The following SIK2 variants were observed in gnomAD, a reference collection of about 807,000 sequenced individuals.
SIK2 encodes salt inducible kinase 2.
SIK2 carries 29 observed loss-of-function variants against 103.2 expected under a neutral mutation model. The ratio of observed to expected loss-of-function variants is 0.28; its 90% CI spans 0.21 to 0.38. The LOEUF (loss-of-function observed/expected upper bound fraction) is 0.38. SIK2 is among the 10% of genes least tolerant of loss of function. The pLI is 1.00. For missense variants in SIK2, 879 were observed against 1,171.0 expected (o/e 0.75, Z 3.64); for synonymous variants, 412 against 446.1 (o/e 0.92, Z 0.96).
intron 3 of SIK2, among the ~76,000 whole-genome samples, chr11:111,672,810 C>T (rs17113167): frequency 1.1e-3 from 161 of 152,266 alleles, no homozygotes; most frequent in African/African-American, 3.7e-3. Flanking sequence ...GAGCAAAGGA[C>T]GCAGAGTAAG....
intron 9 of SIK2, among the ~76,000 whole-genome samples, chr11:111,713,029 G>T (rs1943544747): frequency 6.6e-6 from 1 of 152,108 alleles, no homozygotes; most frequent in East Asian, 1.9e-4. Context: ...GCCAGGCGTG[G>T]TGGTACACAC....
chr11:111,605,660 C>T (rs1245473571), intron 1 of SIK2, among the ~76,000 whole-genome samples: 1 of 152,130 alleles, frequency 6.6e-6, no homozygotes, highest in Non-Finnish European at 1.5e-5. Flanking sequence ...ATGTAATGAG[C>T]AATTAGGACC....
intron 4 of SIK2, among the ~76,000 whole-genome samples, chr11:111,697,536 C>A (rs1025822454): frequency 6.6e-6 from 1 of 152,176 alleles, no homozygotes; most frequent in African/African-American, 2.4e-5. Flanking sequence ...TCAACTACTT[C>A]ATGAAATGTA....
intron 14 of SIK2, 21 bp from the exon 15 acceptor site, chr11:111,723,470 TCTTTC>T (rs778252570): frequency 3.9e-6 from 6 of 1,556,674 alleles, no homozygotes; most frequent in South Asian, 1.2e-5. Flanking sequence ...GATTTAAAAT[TCTTTC>T]CTTTGATATT....
chr11:111,689,854 A>G (rs748143575), intron 4 of SIK2, among the ~76,000 whole-genome samples: 2 of 152,018 alleles, frequency 1.3e-5, no homozygotes, highest in South Asian at 2.1e-4. Context: ...TCAATATTAC[A>G]TATGTTACAG....
At chr11:111,606,842 G>C (rs1185782117) in intron 1 of SIK2, among the ~76,000 whole-genome samples, 4 of 151,902 alleles carry the variant, frequency 2.6e-5, no homozygotes, top group Non-Finnish European at 2.9e-5. Context: ...GGCCAGGCTA[G>C]ATGGCTGACA....
At chr11:111,609,839 C>G (rs998642184) in intron 1 of SIK2, among the ~76,000 whole-genome samples, 1 of 152,096 alleles carries the variant, frequency 6.6e-6, no homozygotes, top group African/African-American at 2.4e-5. Flanking sequence ...GTAATTCCAC[C>G]AATGATTTGT....
rs754074950 is a variant in SIK2 at position 111,602,525 on chromosome 11, C to T, written c.-39C>T. 234 of 1,444,292 alleles carry T rather than the reference C, an allele frequency of 1.6e-4. No homozygotes were observed. Among genetic ancestry groups the T allele is most frequent in the Non-Finnish European group, 2.0e-4 (216 of 1,099,682 alleles). The allele number at this position is 1,444,292 out of a possible 1,614,324, so 89.5% of individuals were successfully genotyped here. A position where few individuals can be genotyped will look rare whatever the true frequency, so the allele number is the denominator to read the frequency against. On this transcript the variant is annotated 5_prime_UTR_variant, in exon 1 of 15. Coordinates refer to ENST00000304987, the MANE Select transcript of SIK2 (RefSeq NM_015191.3). This position sits in a 1 kb window ranked among gnomAD's most constrained non-coding sequence, Gnocchi z 4.5. The stretch of plus-strand genomic sequence containing the variant: ...CCGCGCTGCCAACCCTCCCGCCCGC[C>T]CGCGCTCCTGTCCGCCGTGTCTAGC...
chr11:111,626,250 T>C (rs1348067246), intron 3 of SIK2, among the ~76,000 whole-genome samples: 1 of 152,208 alleles, frequency 6.6e-6, no homozygotes, highest in Non-Finnish European at 1.5e-5. Flanking sequence ...AATCTTTGGA[T>C]AGTCTTCACT....
rs1941601490 is a variant in SIK2 at position 111,602,808 on chromosome 11, T to C, written c.135+110T>C. The C allele has an allele frequency of 7.3e-7, 1 of 1,369,764 alleles. No homozygotes were observed. The highest frequency in any genetic ancestry group is 3.4e-5 in the Admixed American group (1 of 29,282). 84.9% of individuals were successfully genotyped at this position (1,369,764 alleles called of 1,614,324 possible). A position where few individuals can be genotyped will look rare whatever the true frequency, so the allele number is the denominator to read the frequency against. On this transcript the variant is annotated intron_variant, in intron 1 of 14. Coordinates refer to ENST00000304987, the MANE Select transcript of SIK2 (RefSeq NM_015191.3). This position sits in a 1 kb window ranked among gnomAD's most constrained non-coding sequence, Gnocchi z 4.5. ...GACCGGGGAGACCCGAGAGGCCGCC[T>C]CACTGGCGGAGGCGAGCGGGCCTGG...
In SIK2 at chr11:111,688,815, A is replaced by T. The variant is rs1206570726; in HGVS notation, c.478+653A>T. ...TGTGCTATGTTAAGTACAATATGAT[A>T]TGTGGAAATCATTTCACAACATATC... On this transcript the variant is annotated intron_variant, in intron 4 of 14. Coordinates refer to ENST00000304987, the MANE Select transcript of SIK2 (RefSeq NM_015191.3). This position sits in a 1 kb window ranked among gnomAD's most constrained non-coding sequence, Gnocchi z 4.2. Among the ~76,000 whole-genome samples, 1 of 152,250 alleles carries T rather than the reference A, an allele frequency of 6.6e-6. No homozygotes were observed. Among genetic ancestry groups the T allele is most frequent in the Non-Finnish European group, 1.5e-5 (1 of 68,042 alleles).
chr11:111,646,654 C>T (rs1424558412), intron 3 of SIK2, among the ~76,000 whole-genome samples: 1 of 152,174 alleles, frequency 6.6e-6, no homozygotes, highest in Non-Finnish European at 1.5e-5. Context: ...TCTGTCACTA[C>T]AGCTGTACAT....
At chr11:111,658,692 G>A (rs563414675) in intron 3 of SIK2, among the ~76,000 whole-genome samples, 2 of 152,068 alleles carry the variant, frequency 1.3e-5, no homozygotes, top group South Asian at 4.2e-4. Flanking sequence ...AGTGAGCCAT[G>A]ACCACACCAC....
chr11:111,653,148 C>T (rs1166112184), intron 3 of SIK2, among the ~76,000 whole-genome samples: 2 of 152,132 alleles, frequency 1.3e-5, no homozygotes, highest in African/African-American at 4.8e-5. Context: ...GCCAACTACC[C>T]TTCCCCTCAA....
intron 3 of SIK2, among the ~76,000 whole-genome samples, chr11:111,632,029 T>G (rs1393026300): frequency 2.0e-5 from 3 of 152,036 alleles, no homozygotes; most frequent in Admixed American, 6.6e-5. Flanking sequence ...AATTCTAGAA[T>G]ATAAATAAGA....
intron 3 of SIK2, among the ~76,000 whole-genome samples, chr11:111,620,835 A>T (rs1591590812): frequency 6.6e-6 from 1 of 152,238 alleles, no homozygotes; most frequent in African/African-American, 2.4e-5. Flanking sequence ...ACAGTTTAGT[A>T]AAGTATTCAC....
rs1179073208 is a variant in SIK2 at position 111,678,170 on chromosome 11, T to C, written c.317-9831T>C. Among the ~76,000 whole-genome samples the C allele has an allele frequency of 3.3e-5, 5 of 152,238 alleles. 1 individual carries two copies. Among genetic ancestry groups the C allele is most frequent in the Admixed American group, 6.5e-5 (1 of 15,286 alleles). The stretch of plus-strand genomic sequence containing the variant: ...AATGCTTTTCTCCCAGTTGAAATAG[T>C]ATCTTCAAAAAGAAGCCTTTCATGA... On this transcript the variant is annotated intron_variant, in intron 3 of 14. Transcript: ENST00000304987.
Position 111,713,743 on chromosome 11 carries a change from C to G in SIK2, c.1266+1368C>G, listed in dbSNP as rs560502255. Among the ~76,000 whole-genome samples, 13 of 152,262 alleles carry G rather than the reference C, an allele frequency of 8.5e-5. No individual in the cohort carries two copies. In the South Asian group the frequency reaches 2.7e-3, roughly 32 times the overall value. The stretch of plus-strand genomic sequence containing the variant: ...CAGCACTTTGGGAGGCCAAGGCGGA[C>G]AGATCATGACGTCAGGAGTTCAAGA... On this transcript the variant is annotated intron_variant, in intron 9 of 14. Coordinates refer to ENST00000304987, the MANE Select transcript of SIK2 (RefSeq NM_015191.3).
At position 111,722,019 on chromosome 11, in the gene SIK2, C is replaced by A. The variant is rs1351166763; in HGVS notation, c.2055+79C>A. On this transcript the variant is annotated intron_variant, in intron 13 of 14. Coordinates refer to ENST00000304987, the MANE Select transcript of SIK2 (RefSeq NM_015191.3). The surrounding 1 kb of genome is among the most constrained non-coding windows in gnomAD (Gnocchi z 4.4). Reference sequence around the variant, plus strand: ...TTCTGCAAAGCAGAAACGTGTTTTGCCTGGCATTTATTTAGGGTAGCTGCT... The same window carrying A: ...TTCTGCAAAGCAGAAACGTGTTTTGACTGGCATTTATTTAGGGTAGCTGCT... 6 of 1,147,458 alleles carry A rather than the reference C, an allele frequency of 5.2e-6. No individual in the cohort carries two copies. The East Asian group carries it at 1.5e-4, about 29-fold the overall frequency. The allele number at this position is 1,147,458 out of a possible 1,614,324, so 71.1% of individuals were successfully genotyped here. A position where few individuals can be genotyped will look rare whatever the true frequency, so the allele number is the denominator to read the frequency against.
Sources: gnomAD v4.1 joint callset for allele counts (sites outside exome capture counted in the v4.1 genomes callset) on GRCh38, gnomAD v4.1.1 for gene constraint, Gnocchi (gnomAD v3.1) non-coding constraint, MANE v1.5 for transcripts, NCBI Gene and HGNC (gene_info 2026-07-23, HGNC 2026-07-21) for gene names.